Variants in PARD3 observed in about 807,000 individuals in gnomAD.
PARD3 encodes the protein partitioning defective 3 homolog.
A neutral mutation model predicts 155.4 loss-of-function variants in PARD3; 75 were observed. The observed-to-expected ratio is 0.48, with a 90% confidence interval of 0.40 to 0.58. The LOEUF is 0.58. PARD3 is among the 20% of genes least tolerant of loss of function. The pLI is 0.00. For synonymous variants in PARD3, 576 were observed against 610.5 expected (o/e 0.94, Z 0.83); for missense variants, 1,642 against 1,721.7 (o/e 0.95, Z 0.82).
In PARD3 at chr10:34,796,980, A is replaced by G. The variant is rs542009098; in HGVS notation, c.120+17896T>C. Among the ~76,000 whole-genome samples the G allele has an allele frequency of 4.6e-5, 7 of 152,338 alleles. No individual in the cohort carries two copies. The South Asian group carries it at 1.4e-3, about 32-fold the overall frequency. ...AGCCTGGATGGCAGGGCGAGATTCC[A>G]TCTCAAAAAAAATAAAATAAATGAA... is the stretch of plus-strand genomic sequence containing the variant. On this transcript the variant is annotated intron_variant, in intron 1 of 24. Coordinates refer to ENST00000374788, the MANE Select transcript of PARD3 (RefSeq NM_001184785.2).
intron 1 of PARD3, among the ~76,000 whole-genome samples, chr10:34,785,498 C>T (rs1392433955): frequency 6.6e-6 from 1 of 151,994 alleles, no homozygotes; most frequent in Non-Finnish European, 1.5e-5. Flanking sequence ...GTAATCCCAG[C>T]ACTTTGGGAG....
chr10:34,356,553 C>T (rs1026727279), intron 14 of PARD3, among the ~76,000 whole-genome samples: 7 of 152,142 alleles, frequency 4.6e-5, no homozygotes, highest in African/African-American at 1.7e-4. Flanking sequence ...TTCTGATTGG[C>T]AAAGACTGGA....
chr10:34,156,524 TA>T (rs1235934167), intron 22 of PARD3, among the ~76,000 whole-genome samples: 1 of 152,228 alleles, frequency 6.6e-6, no homozygotes, highest in African/African-American at 2.4e-5. Flanking sequence ...TTAAGTTTTT[TA>T]AGTTGGAACA....
At chr10:34,267,118 C>A (rs1440733157) in intron 22 of PARD3, among the ~76,000 whole-genome samples, 2 of 98,834 alleles carry the variant, frequency 2.0e-5, no homozygotes, top group African/African-American at 8.1e-5. Flanking sequence ...AATATGTCAA[C>A]TAATTTTTTT....
intron 14 of PARD3, among the ~76,000 whole-genome samples, chr10:34,356,767 C>A (rs574383699): frequency 6.6e-6 from 1 of 152,324 alleles, no homozygotes; most frequent in South Asian, 2.1e-4. Context: ...TTATACCTTA[C>A]TGGAAGCTGA....
At chr10:34,593,652 T>C (rs1430889034) in intron 2 of PARD3, among the ~76,000 whole-genome samples, 2 of 152,192 alleles carry the variant, frequency 1.3e-5, no homozygotes, top group South Asian at 2.1e-4. Flanking sequence ...TCAATGGACT[T>C]GAATAGAACC....
chr10:34,505,036 C>CA (rs1262417378), intron 3 of PARD3, among the ~76,000 whole-genome samples: 10 of 149,974 alleles, frequency 6.7e-5, no homozygotes, highest in Admixed American at 2.0e-4. Flanking sequence ...AAGATAAAAA[C>CA]AAAAAAAAAG....
At chr10:34,542,775 T>G (rs2083739840) in intron 2 of PARD3, among the ~76,000 whole-genome samples, 1 of 152,218 alleles carries the variant, frequency 6.6e-6, no homozygotes, top group African/African-American at 2.4e-5. Context: ...GCATAAAGCA[T>G]TGTGTCATAC....
At chr10:34,529,399 C>A (rs1183472975) in intron 2 of PARD3, among the ~76,000 whole-genome samples, 2 of 152,182 alleles carry the variant, frequency 1.3e-5, no homozygotes, top group African/African-American at 4.8e-5. Context: ...CATGGAATAG[C>A]TGGATCAGCA....
chr10:34,439,224 T>C (rs1167623805), intron 5 of PARD3, among the ~76,000 whole-genome samples: 1 of 152,156 alleles, frequency 6.6e-6, no homozygotes, highest in Non-Finnish European at 1.5e-5. Flanking sequence ...CTTTCATTTT[T>C]TCAATGGAAT....
intron 2 of PARD3, among the ~76,000 whole-genome samples, chr10:34,606,618 T>C (rs975145817): frequency 7.5e-5 from 9 of 119,206 alleles, no homozygotes; most frequent in African/African-American, 2.3e-4. Context: ...CTGGGCAACA[T>C]AGTGAGACCC....
intron 1 of PARD3, among the ~76,000 whole-genome samples, chr10:34,808,239 G>A (rs1843648021): frequency 6.6e-6 from 1 of 152,110 alleles, no homozygotes; most frequent in Admixed American, 6.6e-5. Context: ...GCTTGAGCCT[G>A]GGAGGTTGAG....
intron 22 of PARD3, among the ~76,000 whole-genome samples, chr10:34,171,815 T>G (rs2133122427): frequency 6.6e-6 from 1 of 151,708 alleles, no homozygotes; most frequent in Non-Finnish European, 1.5e-5. Flanking sequence ...CCAGGTGTGG[T>G]GGTGTGTGCC....
In PARD3 at chr10:34,766,790, C is replaced by T. The variant is rs570429871; in HGVS notation, c.120+48086G>A. 8.4e-4 allele frequency among the ~76,000 whole-genome samples: 128 copies of T among 152,192 alleles called. 2 individuals carry two copies. Among genetic ancestry groups the T allele is most frequent in the Middle Eastern group, 6.8e-3 (2 of 294 alleles). The stretch of plus-strand genomic sequence containing the variant: ...CAGACAACTATGCACACAATTACAA[C>T]GCAGGAACGTGGTGTAAGGCATCTT... On this transcript the variant is annotated intron_variant, in intron 1 of 24. Coordinates refer to ENST00000374788, the MANE Select transcript of PARD3 (RefSeq NM_001184785.2).
intron 1 of PARD3, among the ~76,000 whole-genome samples, chr10:34,737,647 TC>T (rs1441905583): frequency 6.6e-6 from 1 of 151,802 alleles, no homozygotes. Context: ...GGCCCTCGGC[TC>T]CCCCACCACG....
Position 34,115,598 on chromosome 10 carries a change from G to A in PARD3, c.3668+4015C>T, listed in dbSNP as rs775169473. On this transcript the variant is annotated intron_variant, in intron 24 of 24. Transcript: ENST00000374788. Reference sequence around the variant, plus strand: ...AGTAAATATTTGAGGTGATGGATATGTTAGCTAACTTGATTAAACTTAATT... The same window carrying A: ...AGTAAATATTTGAGGTGATGGATATATTAGCTAACTTGATTAAACTTAATT... 4.1e-4 allele frequency among the ~76,000 whole-genome samples: 63 copies of A among 152,044 alleles called. 1 individual carries two copies. The highest frequency in any genetic ancestry group is 1.5e-4 in the Non-Finnish European group (10 of 68,012).
At chr10:34,551,515 C>T (rs1402801129) in intron 2 of PARD3, among the ~76,000 whole-genome samples, 1 of 152,196 alleles carries the variant, frequency 6.6e-6, no homozygotes, top group African/African-American at 2.4e-5. Flanking sequence ...CCAATTGCAA[C>T]AGCCCTTGGG....
Position 34,226,905 on chromosome 10 carries a change from CATGAATGCTAAGTTAAATGAACAG to C in PARD3, c.3419+42728_3419+42751del, listed in dbSNP as rs533357796. ...AAGGAACTATTGATATATACAACAGCATGAATGCTAAGTTAAATGAACAGATGAATGCTAAGTTAAAGAATCCAC... is the reference window on the plus strand; with the variant it reads ...AAGGAACTATTGATATATACAACAGCATGAATGCTAAGTTAAAGAATCCAC... On this transcript the variant is annotated intron_variant, in intron 22 of 24. Coordinates refer to ENST00000374788, the MANE Select transcript of PARD3 (RefSeq NM_001184785.2). Among the ~76,000 whole-genome samples, 849 of 152,250 alleles carry C rather than the reference CATGAATGCTAAGTTAAATGAACAG, an allele frequency of 5.6e-3. 11 individuals carry two copies. The highest frequency in any genetic ancestry group is 0.019 in the African/African-American group (792 of 41,526).
chr10:34,219,383 T>A, intron 22 of PARD3, among the ~76,000 whole-genome samples: 1 of 152,202 alleles, frequency 6.6e-6, no homozygotes, highest in East Asian at 1.9e-4. Context: ...TGGTACATAT[T>A]TTTTAATTAA....
Sources: allele counts gnomAD v4.1 joint callset (sites outside exome capture counted in the v4.1 genomes callset), GRCh38; gene constraint gnomAD v4.1.1; transcripts MANE v1.5; gene names NCBI Gene and HGNC (gene_info 2026-07-23, HGNC 2026-07-21).